The following DGKG variants were observed in gnomAD, a reference collection of about 807,000 sequenced individuals.
DGKG encodes the protein diacylglycerol kinase gamma, also known as DAG kinase gamma.
In DGKG, 78 loss-of-function variants were observed where a neutral mutation model predicts 105.3. The observed-to-expected ratio is 0.74, with a 90% CI of 0.62 to 0.89. DGKG has a LOEUF of 0.89. DGKG is among the 40% of genes least tolerant of loss of function. DGKG has a pLI of 0.00. For missense variants in DGKG, 958 were observed against 1,020.1 expected, an observed-to-expected ratio of 0.94 and a Z score of 0.83; for synonymous variants, 346 against 367.1, an observed-to-expected ratio of 0.94 and a Z score of 0.66.
chr3:186,326,912 A>T (rs1641662741), intron 1 of DGKG, among the ~76,000 whole-genome samples: 1 of 152,156 alleles, frequency 6.6e-6, no homozygotes, highest in South Asian at 2.1e-4. Flanking sequence ...TAATCCCAGC[A>T]CTTTGGGAGG....
intron 1 of DGKG, among the ~76,000 whole-genome samples, chr3:186,344,422 G>A (rs1726233357): frequency 6.6e-6 from 1 of 152,232 alleles, no homozygotes; most frequent in Admixed American, 6.5e-5. Flanking sequence ...AACGCGATAT[G>A]TCTTTTGCAG....
chr3:186,193,545 G>A (rs1373566886), intron 21 of DGKG, among the ~76,000 whole-genome samples: 1 of 152,254 alleles, frequency 6.6e-6, no homozygotes, highest in Non-Finnish European at 1.5e-5. Context: ...GCTGGTAAGA[G>A]CCTTGGCAAG....
At chr3:186,220,498 C>T (rs1423210634) in intron 20 of DGKG, among the ~76,000 whole-genome samples, 1 of 152,140 alleles carries the variant, frequency 6.6e-6, no homozygotes, top group African/African-American at 2.4e-5. Flanking sequence ...TGTTGCTATG[C>T]CCCAGAGGCA....
chr3:186,335,149 G>T (rs972150518), intron 1 of DGKG, among the ~76,000 whole-genome samples: 7 of 152,146 alleles, frequency 4.6e-5, no homozygotes, highest in African/African-American at 9.7e-5. Flanking sequence ...TCAGCTCACT[G>T]CAACCTTCGC....
chr3:186,274,707 G>C (rs1472016648), intron 10 of DGKG, among the ~76,000 whole-genome samples: 2 of 151,998 alleles, frequency 1.3e-5, no homozygotes, highest in Non-Finnish European at 2.9e-5. Context: ...TCCCTACAAA[G>C]GACGTGAACT....
At chr3:186,307,524 G>T (rs112571746) in intron 2 of DGKG, among the ~76,000 whole-genome samples, 1,648 of 152,106 alleles carry the variant, frequency 0.011, 29 homozygotes, top group African/African-American at 0.037. Context: ...CCCTTCATTG[G>T]CTCCCACGTG....
intron 1 of DGKG, among the ~76,000 whole-genome samples, chr3:186,338,265 G>C (rs1725927146): frequency 1.3e-5 from 2 of 151,664 alleles, no homozygotes; most frequent in Non-Finnish European, 2.9e-5. Flanking sequence ...GAAAAATGGA[G>C]AAACCTATAG....
chr3:186,150,512 G>A (rs1294610838), intron 24 of DGKG, among the ~76,000 whole-genome samples: 3 of 152,066 alleles, frequency 2.0e-5, no homozygotes, highest in African/African-American at 7.2e-5. Context: ...GGACTCAATC[G>A]ACCCCTCTGC....
At chr3:186,243,274 C>G (rs1388175056) in intron 19 of DGKG, among the ~76,000 whole-genome samples, 1 of 151,878 alleles carries the variant, frequency 6.6e-6, no homozygotes, top group Admixed American at 6.6e-5. Flanking sequence ...CCCTCCAAGG[C>G]CAATAAGAGT....
At chr3:186,161,870 G>A (rs1716306610) in intron 23 of DGKG, among the ~76,000 whole-genome samples, 1 of 151,282 alleles carries the variant, frequency 6.6e-6, no homozygotes, top group African/African-American at 2.4e-5. Flanking sequence ...CAGGCCCAGT[G>A]GTCTGTGTTT....
intron 12 of DGKG, among the ~76,000 whole-genome samples, 183 bp from the exon 13 acceptor site, chr3:186,267,960 A>G (rs915574114): frequency 1.3e-5 from 2 of 152,024 alleles, no homozygotes; most frequent in Non-Finnish European, 2.9e-5. Context: ...TTAAGGGTGC[A>G]AAGTCTGCTG....
At chr3:186,267,317 C>A (rs986988076) in intron 13 of DGKG, among the ~76,000 whole-genome samples, 1 of 152,160 alleles carries the variant, frequency 6.6e-6, no homozygotes, top group Admixed American at 6.5e-5. Context: ...CAGCAATTGG[C>A]AACAGTTTAG....
rs183634240 is a variant in DGKG at position 186,176,225 on chromosome 3, G to A, written c.2096-11207C>T. Among the ~76,000 whole-genome samples, 222 of 152,284 alleles carry A rather than the reference G, an allele frequency of 1.5e-3. 1 individual carries two copies. Among genetic ancestry groups the A allele is most frequent in the African/African-American group, 5.0e-3 (209 of 41,550 alleles). ...ATTATCTGGCATTACTTTACCCACT[G>A]AGCTCAGGAATCTTATTCTGGGTAC... On this transcript the variant is annotated intron_variant, in intron 22 of 24. Coordinates refer to ENST00000265022, the MANE Select transcript of DGKG (RefSeq NM_001346.3).
chr3:186,153,131 G>C (rs974282530), intron 24 of DGKG, among the ~76,000 whole-genome samples: 6 of 152,094 alleles, frequency 3.9e-5, no homozygotes, highest in African/African-American at 7.2e-5. Flanking sequence ...GGTCTTGACA[G>C]GGTAGGAGTC....
intron 7 of DGKG, among the ~76,000 whole-genome samples, chr3:186,282,532 C>T (rs1285351272): frequency 6.6e-6 from 1 of 152,196 alleles, no homozygotes; most frequent in African/African-American, 2.4e-5. Flanking sequence ...ACCAGTATCC[C>T]TGCTTGCATT....
At chr3:186,164,532 A>AGAG (rs1491378745) in intron 23 of DGKG, among the ~76,000 whole-genome samples, 1 of 152,202 alleles carries the variant, frequency 6.6e-6, no homozygotes, top group African/African-American at 2.4e-5. Flanking sequence ...TTTTTTTATC[A>AGAG]GAGTGTGCCC....
intron 22 of DGKG, among the ~76,000 whole-genome samples, chr3:186,179,527 A>T (rs924573960): frequency 6.6e-6 from 1 of 152,150 alleles, no homozygotes; most frequent in Non-Finnish European, 1.5e-5. Context: ...ACATTTCCTT[A>T]TCCAGGGAAC....
chr3:186,302,512 G>GTGTATATATATATATATATACATA (rs1560143698), intron 3 of DGKG, among the ~76,000 whole-genome samples: 1 of 15,124 alleles, frequency 6.6e-5, no homozygotes, highest in Non-Finnish European at 1.2e-4. Context: ...ATATACATAT[G>GTGTATATATATATATATATACATA]TGTATATATA....
chr3:186,168,034 G>A lies in DGKG; in HGVS notation c.2096-3016C>T, dbSNP rs543034909. Among the ~76,000 whole-genome samples the A allele has an allele frequency of 3.9e-5, 6 of 152,286 alleles. No individual in the cohort carries two copies. In the South Asian group the frequency reaches 1.2e-3, roughly 32 times the overall value. On this transcript the variant is annotated intron_variant, in intron 22 of 24. Transcript: ENST00000265022. The stretch of plus-strand genomic sequence containing the variant: ...CTAAAAGAGGTCTTCAAGGATGAAT[G>A]AGCGCCAAGGTAATTTTTGGGTTGA...
Sources: gnomAD v4.1 joint callset for allele counts (sites outside exome capture counted in the v4.1 genomes callset) on GRCh38, gnomAD v4.1.1 for gene constraint, MANE v1.5 for transcripts, NCBI Gene and HGNC (gene_info 2026-07-23, HGNC 2026-07-21) for gene names.